PTDSS1: variants seen among roughly 807,000 people sequenced by gnomAD.
PTDSS1 encodes the protein PSS-1.
In PTDSS1, 45 loss-of-function variants were observed where a neutral mutation model predicts 70.5. The observed-to-expected ratio is 0.64, with a 90% CI of 0.50 to 0.82. The LOEUF is 0.82. Ranked by LOEUF, PTDSS1 falls within the 40% of genes least tolerant of loss-of-function variation. The probability of loss-of-function intolerance (pLI) is 0.00; values close to 1 mark genes in which losing one functional copy is unlikely to be tolerated. For missense variants in PTDSS1, 417 were observed against 586.1 expected (o/e 0.71, Z 2.98); for synonymous variants, 188 against 203.8 (o/e 0.92, Z 0.66).
intron 2 of PTDSS1, among the ~76,000 whole-genome samples, chr8:96,281,856 C>G (rs533028123): frequency 6.6e-6 from 1 of 152,280 alleles, no homozygotes; most frequent in Non-Finnish European, 1.5e-5. Context: ...GTTCCTCTGC[C>G]TCAGTACCCT....
chr8:96,305,798 C>A (rs1213684066), intron 7 of PTDSS1, among the ~76,000 whole-genome samples: 1 of 152,176 alleles, frequency 6.6e-6, no homozygotes, highest in Non-Finnish European at 1.5e-5. Flanking sequence ...AGCAATTCTC[C>A]TGTCTCAGCC....
intron 12 of PTDSS1, among the ~76,000 whole-genome samples, chr8:96,333,130 C>T (rs1025510896): frequency 6.6e-6 from 1 of 152,154 alleles, no homozygotes; most frequent in African/African-American, 2.4e-5. Flanking sequence ...AATTGCCCCT[C>T]GTTTGGGCTT....
chr8:96,292,575 G>A (rs1359736455), intron 4 of PTDSS1, among the ~76,000 whole-genome samples: 2 of 152,144 alleles, frequency 1.3e-5, no homozygotes, highest in Admixed American at 6.5e-5. Context: ...AGGAGTTTAG[G>A]TGTTATTCTA....
Position 96,334,118 on chromosome 8 carries a change from A to G in PTDSS1, c.*552A>G. 1 of 310,970 alleles carries G rather than the reference A, an allele frequency of 3.2e-6. No individual in the cohort carries two copies. The highest frequency in any genetic ancestry group is 4.7e-5 in the Admixed American group (1 of 21,366). 19.3% of individuals were successfully genotyped at this position (310,970 alleles called of 1,614,324 possible). A position where few individuals can be genotyped will look rare whatever the true frequency, so the allele number is the denominator to read the frequency against. ...CCGCTGCTGAAATTGATACTGGGGG[A>G]AGGGTTCCCCTTCCTTCTAGAGCAG... On this transcript the variant is annotated 3_prime_UTR_variant, in exon 13 of 13. Transcript: ENST00000517309.
intron 12 of PTDSS1, 119 bp from the exon 13 acceptor site, chr8:96,333,337 AG>A: frequency 1.2e-6 from 1 of 806,660 alleles, no homozygotes; most frequent in Non-Finnish European, 2.1e-6. Flanking sequence ...TGAGGCCACT[AG>A]GGGGAGTGCA....
intron 4 of PTDSS1, among the ~76,000 whole-genome samples, chr8:96,292,758 C>T: frequency 6.6e-6 from 1 of 152,202 alleles, no homozygotes; most frequent in East Asian, 1.9e-4. Context: ...GAGCAGATTG[C>T]TTTAGACCTG....
chr8:96,302,666 C>T (rs537985462), intron 6 of PTDSS1, among the ~76,000 whole-genome samples: 55 of 152,314 alleles, frequency 3.6e-4, no homozygotes, highest in African/African-American at 1.3e-3. Flanking sequence ...ACTGCAACCT[C>T]TGTCTCCCAG....
chr8:96,286,623 C>T (rs1219589954), intron 3 of PTDSS1, among the ~76,000 whole-genome samples: 4 of 152,208 alleles, frequency 2.6e-5, no homozygotes, highest in Admixed American at 2.0e-4. Context: ...CACTTCAGGG[C>T]CGCCTTGCTC....
In PTDSS1 at chr8:96,273,278, A is replaced by T. The variant is rs73698557; in HGVS notation, c.180-21A>T. 1,139 of 1,548,078 alleles carry T rather than the reference A, an allele frequency of 7.4e-4. 4 individuals carry two copies. The highest frequency in any genetic ancestry group is 6.2e-3 in the Middle Eastern group (36 of 5,822). ...ATTTGGATCTGAAAGTAAATGCTCA[A>T]TGTTGTTTTTCTATTTTCAGGGATG... On this transcript the variant is annotated intron_variant, in intron 1 of 12. Coordinates refer to ENST00000517309, the MANE Select transcript of PTDSS1 (RefSeq NM_014754.3).
rs2130198970 is a variant in PTDSS1, at chr8:96,334,717, T to G, written c.*1151T>G. On this transcript the variant is annotated 3_prime_UTR_variant, in exon 13 of 13. Transcript: ENST00000517309. ...TTTAAAGGGCTTACAGACATATATG[T>G]CCTACTTCTTAGACTACCCAAGTGA... is the stretch of plus-strand genomic sequence containing the variant. 1 of 152,340 alleles carries G rather than the reference T, an allele frequency of 6.6e-6. No homozygotes were observed. The highest frequency in any genetic ancestry group is 6.5e-5 in the Admixed American group (1 of 15,300). The allele number at this position is 152,340 out of a possible 1,614,324, so 9.4% of individuals were successfully genotyped here. A position where few individuals can be genotyped will look rare whatever the true frequency, so the allele number is the denominator to read the frequency against.
chr8:96,315,949 A>G (rs2130142685), intron 9 of PTDSS1, among the ~76,000 whole-genome samples: 1 of 152,310 alleles, frequency 6.6e-6, no homozygotes, highest in South Asian at 2.1e-4. Flanking sequence ...GTGTTCTCAC[A>G]CTGGCAGGCT....
chr8:96,279,557 G>T (rs984814216), intron 2 of PTDSS1, among the ~76,000 whole-genome samples: 27 of 151,262 alleles, frequency 1.8e-4, no homozygotes, highest in African/African-American at 6.3e-4. Context: ...AGTGGCTCAC[G>T]CCTGTAATCC....
At chr8:96,279,550 G>A (rs1453362732) in intron 2 of PTDSS1, among the ~76,000 whole-genome samples, 1 of 151,846 alleles carries the variant, frequency 6.6e-6, no homozygotes, top group African/African-American at 2.4e-5. Context: ...CCAGCGTAGT[G>A]GCTCACGCCT....
In PTDSS1 at chr8:96,299,798, C is replaced by T. The variant is rs765524296; in HGVS notation, c.705C>T (p.Val235=). 1.4e-5 allele frequency: 23 copies of T among 1,613,874 alleles called. No individual in the cohort carries two copies. The highest frequency in any genetic ancestry group is 1.5e-5 in the Non-Finnish European group (18 of 1,180,014). The change falls in exon 6 of 13, where the codon GTC becomes GTT. Residue 235 remains valine, a synonymous_variant. Transcript: ENST00000517309. The part of the protein sequence containing the change: ...CNGGGIWLGM[V]VCRFLEMRTY... ...GCGGTGGCATTTGGCTGGGCATGGTCGTTTGCCGGTTTTTAGAGATGAGGA... is the reference window on the plus strand; with the variant it reads ...GCGGTGGCATTTGGCTGGGCATGGTTGTTTGCCGGTTTTTAGAGATGAGGA...
At chr8:96,276,111 T>A (rs954846347) in intron 2 of PTDSS1, among the ~76,000 whole-genome samples, 4 of 152,244 alleles carry the variant, frequency 2.6e-5, no homozygotes, top group Non-Finnish European at 5.9e-5. Context: ...TGGCTCCTTA[T>A]GAAAAATTTG....
intron 4 of PTDSS1, among the ~76,000 whole-genome samples, chr8:96,287,643 C>G (rs1235515988): frequency 2.0e-5 from 3 of 152,158 alleles, no homozygotes; most frequent in Non-Finnish European, 4.4e-5. Context: ...CTCTCAGCAC[C>G]TGCACTCTCT....
chr8:96,312,577 A>C (rs2130133531), intron 9 of PTDSS1, among the ~76,000 whole-genome samples: 1 of 152,222 alleles, frequency 6.6e-6, no homozygotes, highest in East Asian at 1.9e-4. Flanking sequence ...CTGAAATGCA[A>C]AGGAGAGATC....
intron 8 of PTDSS1, 89 bp from the exon 9 acceptor site, chr8:96,309,468 C>A: frequency 1.7e-6 from 2 of 1,200,060 alleles, no homozygotes; most frequent in Non-Finnish European, 1.2e-6. Context: ...CAAGGAGGGA[C>A]GTTTTTTACT....
chr8:96,308,911 A>G (rs1315549225), intron 8 of PTDSS1, among the ~76,000 whole-genome samples: 26 of 152,172 alleles, frequency 1.7e-4, no homozygotes, highest in Non-Finnish European at 2.4e-4. Flanking sequence ...CTTGTCAGTA[A>G]CATTCCAAGT....
Sources: allele counts gnomAD v4.1 joint callset (sites outside exome capture counted in the v4.1 genomes callset), GRCh38; gene constraint gnomAD v4.1.1; transcripts MANE v1.5; gene names NCBI Gene and HGNC (gene_info 2026-07-23, HGNC 2026-07-21).